LPP: variants seen among roughly 807,000 people sequenced by gnomAD.
LPP encodes the protein lipoma-preferred partner.
A neutral mutation model predicts 60.4 loss-of-function variants in LPP; 38 were observed. The observed-to-expected ratio is 0.63, with a 90% CI of 0.49 to 0.83. The LOEUF (loss-of-function observed/expected upper bound fraction) is 0.83, where lower values mean the gene tolerates loss of function less well. LPP is among the 40% of genes least tolerant of loss of function. The pLI, the probability that LPP is intolerant of heterozygous loss-of-function variation, is 0.00. For missense variants in LPP, 902 were observed against 783.6 expected (o/e 1.15, Z -1.80); for synonymous variants, 328 against 290.8 (o/e 1.13, Z -1.30).
intron 9 of LPP, among the ~76,000 whole-genome samples, chr3:188,784,622 CA>C (rs1741005093): frequency 9.6e-5 from 1 of 10,424 alleles, no homozygotes; most frequent in Non-Finnish European, 1.4e-4. Context: ...TATATTCCAT[CA>C]TATATATATA....
chr3:188,608,003 G>A lies in LPP; in HGVS notation c.430-1158G>A, dbSNP rs114111167. Among the ~76,000 whole-genome samples the A allele has an allele frequency of 6.2e-4, 94 of 152,214 alleles. 1 individual carries two copies. The highest frequency in any genetic ancestry group is 1.4e-3 in the East Asian group (7 of 5,174). ...CATGTAAAGCTCTGTGAGGTTAATGGGGGGAGAGTGGTGTCCTAGGATGAT... is the reference window on the plus strand; with the variant it reads ...CATGTAAAGCTCTGTGAGGTTAATGAGGGGAGAGTGGTGTCCTAGGATGAT... On this transcript the variant is annotated intron_variant, in intron 6 of 11. Coordinates refer to ENST00000617246, the MANE Select transcript of LPP (RefSeq NM_001375462.1).
chr3:188,591,617 GC>G (rs1404521394), intron 6 of LPP, among the ~76,000 whole-genome samples: 2 of 152,098 alleles, frequency 1.3e-5, no homozygotes. Flanking sequence ...CTGGATTATT[GC>G]AGTAGCTTCC....
At chr3:188,368,446 A>G (rs1453076178) in intron 3 of LPP, among the ~76,000 whole-genome samples, 3 of 151,752 alleles carry the variant, frequency 2.0e-5, no homozygotes, top group Non-Finnish European at 4.4e-5. Flanking sequence ...AAGGGTCCTC[A>G]GAGATCTTGT....
intron 6 of LPP, among the ~76,000 whole-genome samples, chr3:188,603,739 G>A: frequency 6.6e-6 from 1 of 151,976 alleles, no homozygotes; most frequent in East Asian, 1.9e-4. Flanking sequence ...AAGCACTTGA[G>A]GTATTCTTCA....
chr3:188,203,429 A>C (rs1286893085), intron 1 of LPP, among the ~76,000 whole-genome samples: 1 of 96,412 alleles, frequency 1.0e-5, no homozygotes, highest in Non-Finnish European at 1.8e-5. Context: ...TAATATAAAT[A>C]TAAATATATA....
intron 6 of LPP, among the ~76,000 whole-genome samples, chr3:188,533,733 T>A (rs928906924): frequency 1.3e-5 from 2 of 152,272 alleles, no homozygotes; most frequent in Admixed American, 6.5e-5. Flanking sequence ...AGAGGATCTG[T>A]GTTGTTTTGA....
At chr3:188,200,612 G>T (rs1180877974) in intron 1 of LPP, among the ~76,000 whole-genome samples, 1 of 152,130 alleles carries the variant, frequency 6.6e-6, no homozygotes. Flanking sequence ...CCCTGGTATT[G>T]CTTGCCAGTA....
intron 1 of LPP, chr3:188,212,926 AG>A (rs1711855688): frequency 6.6e-6 from 1 of 152,294 alleles, no homozygotes; most frequent in Non-Finnish European, 1.5e-5. Flanking sequence ...CGTTGCTGGG[AG>A]TGCTGGTCAC....
chr3:188,676,391 A>G (rs1176421880), intron 7 of LPP, among the ~76,000 whole-genome samples: 1 of 152,170 alleles, frequency 6.6e-6, no homozygotes, highest in Non-Finnish European at 1.5e-5. Context: ...TAGGTAGAAG[A>G]CAGGTCATTA....
At chr3:188,663,237 T>G (rs74781759) in intron 7 of LPP, among the ~76,000 whole-genome samples, 2 of 152,342 alleles carry the variant, frequency 1.3e-5, no homozygotes, top group Admixed American at 1.3e-4. Flanking sequence ...TGAGACATCT[T>G]GGATCTGATT....
chr3:188,211,613 C>T (rs77838690), intron 1 of LPP, among the ~76,000 whole-genome samples: 5,142 of 152,190 alleles, frequency 0.034, 129 homozygotes, highest in South Asian at 0.076. Flanking sequence ...TTAGTCATCA[C>T]AGAACCTTAG....
intron 3 of LPP, among the ~76,000 whole-genome samples, chr3:188,369,998 G>A (rs534925844): frequency 3.6e-4 from 55 of 152,138 alleles, no homozygotes; most frequent in African/African-American, 5.3e-4. Flanking sequence ...GCAGGATCTC[G>A]GCTCACTGCA....
chr3:188,300,511 A>G (rs1011018633), intron 2 of LPP, among the ~76,000 whole-genome samples: 1 of 150,474 alleles, frequency 6.6e-6, no homozygotes, highest in African/African-American at 2.5e-5. Flanking sequence ...AGTTTTTTAA[A>G]TAAATTAATA....
Position 188,402,498 on chromosome 3 carries a change from T to C in LPP, c.-9-3614T>C, listed in dbSNP as rs566632028. The stretch of plus-strand genomic sequence containing the variant: ...AGAGGGCACTGCAGCTGTAACTAGA[T>C]AGGATTTTATTCCACAAATGCCAAG... On this transcript the variant is annotated intron_variant, in intron 3 of 11. Coordinates refer to ENST00000617246, the MANE Select transcript of LPP (RefSeq NM_001375462.1). Among the ~76,000 whole-genome samples, 3 of 152,288 alleles carry C rather than the reference T, an allele frequency of 2.0e-5. No homozygotes were observed. The South Asian group carries it at 6.2e-4, about 32-fold the overall frequency.
chr3:188,373,877 T>C (rs1774084927), intron 3 of LPP, among the ~76,000 whole-genome samples: 1 of 152,076 alleles, frequency 6.6e-6, no homozygotes, highest in Admixed American at 6.6e-5. Flanking sequence ...CTTGAATTAA[T>C]TTTTGTATAA....
At chr3:188,413,998 A>T (rs1260666174) in intron 4 of LPP, among the ~76,000 whole-genome samples, 1 of 152,138 alleles carries the variant, frequency 6.6e-6, no homozygotes, top group Non-Finnish European at 1.5e-5. Context: ...TTATATACTT[A>T]TTCAGCAGTC....
chr3:188,789,868 A>G (rs911342717), intron 9 of LPP, among the ~76,000 whole-genome samples: 12 of 152,256 alleles, frequency 7.9e-5, no homozygotes, highest in Admixed American at 2.0e-4. Flanking sequence ...TTAAAATATT[A>G]TTTTTTCATT....
At position 188,676,199 on chromosome 3, in the gene LPP, G is replaced by A. The variant is rs147087584; in HGVS notation, c.1114-32068G>A. Among the ~76,000 whole-genome samples, 153 of 152,264 alleles carry A rather than the reference G, an allele frequency of 1.0e-3. 1 individual carries two copies. The highest frequency in any genetic ancestry group is 1.7e-3 in the Non-Finnish European group (115 of 68,024). On this transcript the variant is annotated intron_variant, in intron 7 of 11. Transcript: ENST00000617246. ...TGAAGATTAGATTTGTGTATTCATG[G>A]AATAATCTAGACAAAATCCTGCCTT...
intron 7 of LPP, among the ~76,000 whole-genome samples, chr3:188,677,566 C>A (rs1158121213): frequency 1.3e-5 from 2 of 152,144 alleles, no homozygotes; most frequent in Non-Finnish European, 2.9e-5. Flanking sequence ...TCTTTAAAAG[C>A]TGTTATTAAA....
Sources: gnomAD v4.1 joint callset for allele counts (sites outside exome capture counted in the v4.1 genomes callset) on GRCh38, gnomAD v4.1.1 for gene constraint, MANE v1.5 for transcripts, NCBI Gene and HGNC (gene_info 2026-07-23, HGNC 2026-07-21) for gene names.